Variants in ARHGAP20 observed in about 807,000 individuals in gnomAD.
The protein encoded by ARHGAP20 is rho GTPase-activating protein 20.
ARHGAP20 carries 34 observed loss-of-function variants against 73.7 expected under a neutral mutation model. The ratio of observed to expected loss-of-function variants is 0.46; its 90% CI spans 0.35 to 0.61. The LOEUF is 0.61. Among genes scored for constraint, ARHGAP20 ranks in the 20% least tolerant of loss-of-function variants. The pLI, the probability that ARHGAP20 is intolerant of heterozygous loss-of-function variation, is 0.00. For missense variants in ARHGAP20, 1,314 were observed against 1,420.9 expected (o/e 0.92, Z 1.21); for synonymous variants, 523 against 518.2 (o/e 1.01, Z -0.13).
At chr11:110,634,058 G>A (rs1207870992) in intron 2 of ARHGAP20, among the ~76,000 whole-genome samples, 3 of 152,190 alleles carry the variant, frequency 2.0e-5, no homozygotes, top group African/African-American at 7.2e-5. Flanking sequence ...GGTGAATGAA[G>A]TAGCAGAAAA....
intron 1 of ARHGAP20, chr11:110,711,705 A>C (rs1950661598): frequency 7.0e-7 from 1 of 1,427,604 alleles, no homozygotes; most frequent in Non-Finnish European, 9.2e-7. Context: ...GCCGGCCCTG[A>C]CTTTGGGGCT....
intron 2 of ARHGAP20, among the ~76,000 whole-genome samples, chr11:110,659,866 G>A (rs1949560190): frequency 6.6e-6 from 1 of 150,946 alleles, no homozygotes; most frequent in African/African-American, 2.4e-5. Context: ...AGATCACATG[G>A]ACACAGGAAG....
intron 2 of ARHGAP20, among the ~76,000 whole-genome samples, chr11:110,668,462 A>C (rs1949766339): frequency 6.6e-6 from 1 of 152,138 alleles, no homozygotes; most frequent in South Asian, 2.1e-4. Context: ...TAGGCTGGGC[A>C]ACATGGCAAA....
At chr11:110,584,959 A>G (rs1947595921) in intron 12 of ARHGAP20, among the ~76,000 whole-genome samples, 1 of 70,988 alleles carries the variant, frequency 1.4e-5, no homozygotes, top group African/African-American at 3.6e-5. Context: ...ATATGAATAT[A>G]TGTGAATATA....
At chr11:110,601,096 T>C (rs188185898) in intron 9 of ARHGAP20, among the ~76,000 whole-genome samples, 26 of 152,356 alleles carry the variant, frequency 1.7e-4, no homozygotes, top group African/African-American at 6.3e-4. Context: ...TTTAACCCTT[T>C]GTTTCCAGGG....
intron 4 of ARHGAP20, among the ~76,000 whole-genome samples, chr11:110,620,999 G>A (rs142484304): frequency 1.3e-3 from 190 of 150,920 alleles, no homozygotes; most frequent in African/African-American, 4.1e-3. Flanking sequence ...ACTTGAAGCC[G>A]GGAGGCAGAG....
intron 2 of ARHGAP20, among the ~76,000 whole-genome samples, chr11:110,678,867 G>T (rs1468898164): frequency 6.6e-6 from 1 of 151,964 alleles, no homozygotes; most frequent in Non-Finnish European, 1.5e-5. Flanking sequence ...GTTTTACCAC[G>T]TTGCCCAGGC....
intron 6 of ARHGAP20, among the ~76,000 whole-genome samples, chr11:110,613,280 C>T (rs527821288): frequency 1.3e-5 from 2 of 152,282 alleles, no homozygotes; most frequent in Non-Finnish European, 2.9e-5. Context: ...AATTTACTGA[C>T]AAGGTGTGTA....
In ARHGAP20 at chr11:110,603,861, A is replaced by G. The variant is rs569358568; in HGVS notation, c.964+2700T>C. On this transcript the variant is annotated intron_variant, in intron 9 of 14. Transcript: ENST00000683387. Reference sequence around the variant, plus strand: ...TTTGGCAGTACATATGTGAGAAAATATGTTTTCAAAGATGAAATTAAAAAT... The same window carrying G: ...TTTGGCAGTACATATGTGAGAAAATGTGTTTTCAAAGATGAAATTAAAAAT... Among the ~76,000 whole-genome samples the G allele has an allele frequency of 5.3e-5, 8 of 152,326 alleles. No homozygotes were observed. In the East Asian group the frequency reaches 1.5e-3, roughly 29 times the overall value.
intron 5 of ARHGAP20, 112 bp downstream of exon 5, chr11:110,615,441 G>T: frequency 2.0e-6 from 2 of 978,272 alleles, no homozygotes; most frequent in East Asian, 2.6e-5. Context: ...GAGGTCAAAT[G>T]AACAATTTCT....
intron 2 of ARHGAP20, among the ~76,000 whole-genome samples, chr11:110,646,122 A>G (rs541203167): frequency 9.9e-5 from 15 of 152,172 alleles, no homozygotes; most frequent in Non-Finnish European, 1.9e-4. Context: ...TTTAAAATAA[A>G]AGTTGAAAAA....
intron 12 of ARHGAP20, among the ~76,000 whole-genome samples, chr11:110,584,163 T>C (rs1947553470): frequency 6.6e-6 from 1 of 152,222 alleles, no homozygotes; most frequent in South Asian, 2.1e-4. Flanking sequence ...ACAGAAATGC[T>C]GTCTCTTGGT....
chr11:110,642,791 TG>T (rs1408513887), intron 2 of ARHGAP20, among the ~76,000 whole-genome samples: 1 of 152,166 alleles, frequency 6.6e-6, no homozygotes, highest in East Asian at 1.9e-4. Context: ...AAGATAATGC[TG>T]GCTTTGTAGA....
rs188090960 is a variant in ARHGAP20 at position 110,597,139 on chromosome 11, G to T, written c.965-4984C>A. On this transcript the variant is annotated intron_variant, in intron 9 of 14. Coordinates refer to ENST00000683387, the MANE Select transcript of ARHGAP20 (RefSeq NM_001384657.1). ...GGAACGTCACACACCGGGGACCGTT[G>T]TGGGGTGGGGGGAGGGGGAGGGAAA... Among the ~76,000 whole-genome samples the T allele has an allele frequency of 2.8e-3, 372 of 130,990 alleles. 12 individuals are homozygous for T. Among genetic ancestry groups the T allele is most frequent in the Admixed American group, 0.027 (344 of 12,754 alleles). 85.9% of individuals were successfully genotyped at this position (130,990 alleles called of 152,430 possible).
chr11:110,623,435 C>G (rs1948670940), intron 4 of ARHGAP20, among the ~76,000 whole-genome samples: 1 of 152,148 alleles, frequency 6.6e-6, no homozygotes, highest in South Asian at 2.1e-4. Context: ...TAGAAGAGGA[C>G]AAATATTCTG....
In ARHGAP20 at chr11:110,624,284, AT is replaced by A; in HGVS notation, c.380del (p.Asn127IlefsTer5). 6.3e-7 allele frequency: 1 copy of A among 1,592,270 alleles called. No individual in the cohort carries two copies. The highest frequency in any genetic ancestry group is 8.5e-7 in the Non-Finnish European group (1 of 1,169,930). On this transcript the variant is annotated frameshift_variant, in exon 4 of 15. Coordinates refer to ENST00000683387, the MANE Select transcript of ARHGAP20 (RefSeq NM_001384657.1). LOFTEE classifies it high-confidence loss of function. ...IKYNNNFKIK[N>X]KIKLTDMWTA... ...TCCACATATCAGTTAATTTAATTTT[AT>A]TTTTTATCTTAAAGTTATTGTTATA...
chr11:110,592,048 T>A lies in ARHGAP20; in HGVS notation c.1072A>T (p.Met358Leu), dbSNP rs781545921. Residue 358 changes from methionine to leucine, a missense_variant, in exon 10 of 15, where the codon ATG becomes TTG. Met to Leu is a conservative substitution (Grantham distance 15, BLOSUM62 2). Transcript: ENST00000683387. ...DNLPSSPTSP[M>L]PGQLFGISLP... is the part of the protein sequence containing the mutation. Reference sequence around the variant, plus strand: ...GAAATTCCAAAGAGCTGTCCTGGCATAGGTGATGTTGGCGATGAGGGCAAG... The same window carrying A: ...GAAATTCCAAAGAGCTGTCCTGGCAAAGGTGATGTTGGCGATGAGGGCAAG... 1 of 1,614,142 alleles carries A rather than the reference T, an allele frequency of 6.2e-7. No homozygotes were observed. The highest frequency in any genetic ancestry group is 1.7e-5 in the Admixed American group (1 of 60,020).
At chr11:110,681,480 T>C (rs1950035332) in intron 2 of ARHGAP20, among the ~76,000 whole-genome samples, 1 of 152,114 alleles carries the variant, frequency 6.6e-6, no homozygotes, top group African/African-American at 2.4e-5. Flanking sequence ...ATCTGAAAGG[T>C]CCACACTAAA....
chr11:110,584,327 T>C (rs1947559627), intron 12 of ARHGAP20, among the ~76,000 whole-genome samples: 1 of 152,068 alleles, frequency 6.6e-6, no homozygotes, highest in Non-Finnish European at 1.5e-5. Flanking sequence ...GCTGTTCTCA[T>C]GTTGTAATTG....
Sources: gnomAD v4.1 joint callset for allele counts (sites outside exome capture counted in the v4.1 genomes callset) on GRCh38, gnomAD v4.1.1 for gene constraint, MANE v1.5 for transcripts, NCBI Gene and HGNC (gene_info 2026-07-23, HGNC 2026-07-21) for gene names.